The following PMS1 variants were observed in gnomAD, a reference collection of about 807,000 sequenced individuals.
The protein encoded by PMS1 is PMS1 homolog 1, mismatch repair system component.
PMS1 carries 79 observed loss-of-function variants against 93.1 expected under a neutral mutation model. The ratio of observed to expected loss-of-function variants is 0.85; its 90% CI spans 0.71 to 1.02. The LOEUF (loss-of-function observed/expected upper bound fraction) is 1.02, where lower values mean the gene tolerates loss of function less well. PMS1 is among the 50% of genes least tolerant of loss of function. The pLI is 0.00. For missense variants in PMS1, 1,064 were observed against 1,085.3 expected (o/e 0.98, Z 0.28); for synonymous variants, 335 against 363.4 (o/e 0.92, Z 0.89).
At chr2:189,818,455 C>T (rs2051518538) in intron 5 of PMS1, among the ~76,000 whole-genome samples, 1 of 152,152 alleles carries the variant, frequency 6.6e-6, no homozygotes, top group African/African-American at 2.4e-5. Context: ...CACCTATGAA[C>T]CAGAAAGTGG....
At chr2:189,801,053 G>A (rs1177467883) in intron 3 of PMS1, among the ~76,000 whole-genome samples, 2 of 152,078 alleles carry the variant, frequency 1.3e-5, no homozygotes, top group Admixed American at 6.5e-5. Flanking sequence ...TGTAGAGATA[G>A]GGTCTCACTC....
chr2:189,877,189 T>C, intron 12 of PMS1, 83 bp from the exon 13 acceptor site: 1 of 1,080,400 alleles, frequency 9.3e-7, no homozygotes, highest in Non-Finnish European at 1.4e-6. Context: ...ATAATCAAGA[T>C]TCTGTCTTCC....
At chr2:189,838,007 G>C (rs945920138) in intron 5 of PMS1, among the ~76,000 whole-genome samples, 8 of 152,180 alleles carry the variant, frequency 5.3e-5, no homozygotes, top group Non-Finnish European at 8.8e-5. Flanking sequence ...TGATTGAAAA[G>C]GGATAGGAGT....
intron 3 of PMS1, among the ~76,000 whole-genome samples, chr2:189,800,009 A>G (rs1371348491): frequency 6.6e-6 from 1 of 152,224 alleles, no homozygotes; most frequent in Non-Finnish European, 1.5e-5. Context: ...ACTGATGAGG[A>G]AACTGAGGTC....
chr2:189,872,810 A>T (rs2057267788), intron 11 of PMS1, among the ~76,000 whole-genome samples: 1 of 151,656 alleles, frequency 6.6e-6, no homozygotes. Flanking sequence ...TTTTTTTTGT[A>T]TTTTTGGTAG....
chr2:189,855,715 A>G (rs2055251053), intron 9 of PMS1: 1 of 189,594 alleles, frequency 5.3e-6, no homozygotes, highest in African/African-American at 2.4e-5. Context: ...TATTTTTATT[A>G]CATAAATAGG....
chr2:189,820,773 A>G (rs997216819), intron 5 of PMS1, among the ~76,000 whole-genome samples: 4 of 152,242 alleles, frequency 2.6e-5, no homozygotes, highest in African/African-American at 7.2e-5. Flanking sequence ...TTTTACAGTA[A>G]TAGTGCTGAG....
rs2106548872 is a variant in PMS1 at position 189,873,630 on chromosome 2, C to T, written c.2608C>T (p.Pro870Ser). ...TGCAAAGGAAGTTTATGAATGTAGA[C>T]CTCGCAAAGTGATAAGTTATTTAGA... ...RNAKEVYECR[P>S]RKVISYLEGE... is the part of the protein sequence containing the mutation. Residue 870 changes from proline to serine, a missense_variant, in exon 12 of 13, where the codon CCT (proline) becomes TCT (serine). Physicochemically the swap from Pro to Ser is moderately conservative, Grantham distance 74. Transcript: ENST00000441310. The T allele has an allele frequency of 1.2e-6, 2 of 1,605,520 alleles. No individual in the cohort carries two copies. The highest frequency in any genetic ancestry group is 1.7e-6 in the Non-Finnish European group (2 of 1,172,712).
intron 5 of PMS1, among the ~76,000 whole-genome samples, chr2:189,824,974 A>G (rs866536457): frequency 2.4e-4 from 36 of 151,582 alleles, no homozygotes; most frequent in African/African-American, 8.7e-4. Flanking sequence ...ACTTTTTTGT[A>G]AAGAATTTTT....
intron 9 of PMS1, among the ~76,000 whole-genome samples, chr2:189,859,762 A>T (rs1227737867): frequency 6.6e-6 from 1 of 152,106 alleles, no homozygotes; most frequent in East Asian, 1.9e-4. Flanking sequence ...GTTAAATTAG[A>T]TGGTTTGGGT....
At chr2:189,851,987 C>A (rs1210505506) in intron 6 of PMS1, among the ~76,000 whole-genome samples, 1 of 152,118 alleles carries the variant, frequency 6.6e-6, no homozygotes, top group Non-Finnish European at 1.5e-5. Context: ...CTCTGGTATT[C>A]TTTTCTAGTA....
At chr2:189,793,204 C>T (rs2049047597) in intron 2 of PMS1, among the ~76,000 whole-genome samples, 2 of 152,194 alleles carry the variant, frequency 1.3e-5, no homozygotes, top group Non-Finnish European at 1.5e-5. Context: ...CCAGGTCTTT[C>T]TGACTCTTAA....
At chr2:189,801,601 A>T (rs1424601357) in intron 3 of PMS1, among the ~76,000 whole-genome samples, 3 of 152,250 alleles carry the variant, frequency 2.0e-5, no homozygotes, top group African/African-American at 7.2e-5. Flanking sequence ...TTAGAAATAC[A>T]GAACAGTTTA....
At chr2:189,789,330 T>C (rs1274202814) in intron 1 of PMS1, among the ~76,000 whole-genome samples, 10 of 152,176 alleles carry the variant, frequency 6.6e-5, no homozygotes, top group Non-Finnish European at 1.5e-4. Context: ...TTTGAGTGAT[T>C]TGCTCCATTT....
intron 3 of PMS1, among the ~76,000 whole-genome samples, chr2:189,801,520 A>G (rs1035454064): frequency 3.3e-5 from 5 of 152,238 alleles, no homozygotes; most frequent in African/African-American, 4.8e-5. Context: ...TTGATATTTT[A>G]TATGTGTTAT....
rs751675535 is a variant in PMS1 at position 189,854,283 on chromosome 2, T to C, written c.1011T>C (p.Tyr337=). The change falls in exon 9 of 13, where the codon TAT becomes TAC. Residue 337 remains tyrosine, a synonymous_variant. Transcript: ENST00000441310. ...TTGAAAATCTGATGACGACTTGTTATGGACCATTACCTAGTACAAATTCTT... is the reference window on the plus strand; with the variant it reads ...TTGAAAATCTGATGACGACTTGTTACGGACCATTACCTAGTACAAATTCTT... The part of the protein sequence containing the change: ...IALENLMTTC[Y]GPLPSTNSYE... 3.1e-6 allele frequency: 5 copies of C among 1,600,070 alleles called. No homozygotes were observed. The highest frequency in any genetic ancestry group is 4.3e-6 in the Non-Finnish European group (5 of 1,174,612).
At chr2:189,833,071 G>A (rs1313942295) in intron 5 of PMS1, among the ~76,000 whole-genome samples, 1 of 152,106 alleles carries the variant, frequency 6.6e-6, no homozygotes. Context: ...TAAAAGGTAC[G>A]TTTTTAAAAT....
At chr2:189,786,204 G>T (rs4666784) in intron 1 of PMS1, among the ~76,000 whole-genome samples, 149,368 of 152,190 alleles carry the variant, frequency 0.98, 73,359 homozygotes, top group East Asian at 1. Flanking sequence ...ACTGGGAGAG[G>T]AGGCAAAAAT....
At chr2:189,815,781 C>G (rs1465608875) in intron 4 of PMS1, among the ~76,000 whole-genome samples, 1 of 152,208 alleles carries the variant, frequency 6.6e-6, no homozygotes, top group Non-Finnish European at 1.5e-5. Flanking sequence ...TACATTATAT[C>G]TCATGAATCT....
Sources: allele counts gnomAD v4.1 joint callset (sites outside exome capture counted in the v4.1 genomes callset), GRCh38; gene constraint gnomAD v4.1.1; transcripts MANE v1.5; gene names NCBI Gene and HGNC (gene_info 2026-07-23, HGNC 2026-07-21).